SEMA4B: variants seen among roughly 807,000 people sequenced by gnomAD.
The protein encoded by SEMA4B is semaphorin-4B.
In SEMA4B, 55 loss-of-function variants were observed where a neutral mutation model predicts 88.1. The ratio of observed to expected loss-of-function variants is 0.62; its 90% confidence interval spans 0.50 to 0.78. The LOEUF (loss-of-function observed/expected upper bound fraction) is 0.78. Among genes scored for constraint, SEMA4B ranks in the 30% least tolerant of loss-of-function variants. The pLI is 0.00. For synonymous variants in SEMA4B, 525 were observed against 473.6 expected (o/e 1.11, Z -1.41); for missense variants, 1,062 against 1,111.9 (o/e 0.96, Z 0.64).
upstream of SEMA4B, among the ~76,000 whole-genome samples, chr15:90,197,081 GAGTAGGATTAGGAAACCA>G (rs1211922581): frequency 4.6e-5 from 7 of 152,032 alleles, no homozygotes; most frequent in African/African-American, 1.7e-4. Flanking sequence ...TCTTATTAGA[GAGTAGGATTAGGAAACCA>G]AGATTGGCCA....
intron 7 of SEMA4B, among the ~76,000 whole-genome samples, chr15:90,222,849 A>G (rs985435720): frequency 1.4e-5 from 2 of 140,724 alleles, no homozygotes; most frequent in Non-Finnish European, 3.1e-5. Flanking sequence ...GTGAACTATG[A>G]ATGTTATTAC....
chr15:90,185,414 G>C (rs1424041876), intron 1 of SEMA4B, among the ~76,000 whole-genome samples: 1 of 152,244 alleles, frequency 6.6e-6, no homozygotes, highest in Non-Finnish European at 1.5e-5. Context: ...AAAAGGCCTG[G>C]GCCCCTGCGG....
Position 90,204,373 on chromosome 15 carries a change from C to T in SEMA4B, c.157+2638C>T, listed in dbSNP as rs118086875. 1.9e-3 allele frequency among the ~76,000 whole-genome samples: 285 copies of T among 152,306 alleles called. 1 individual carries two copies. The East Asian group carries it at 0.021, about 11-fold the overall frequency. ...ACAAAATCCCTTGAAGTGGAGCGTC[C>T]AGCTTGCCCTGCATCTGGGGTCCTT... On this transcript the variant is annotated intron_variant, in intron 1 of 13. Coordinates refer to ENST00000411539, the MANE Select transcript of SEMA4B (RefSeq NM_198925.4).
chr15:90,225,106 C>A lies in SEMA4B; in HGVS notation c.1333C>A (p.Arg445Ser). The change falls in exon 10 of 14, where the codon CGC becomes AGC. Residue 445 changes from arginine to serine, a missense_variant. Transcript: ENST00000411539. ...SRMLLLQPQA[R>S]YQRVAVHRVP... ...CATGCTGCTGCTGCAGCCCCAGGCT[C>A]GCTACCAGCGCGTGGCTGTACACCG... 1 of 1,613,738 alleles carries A rather than the reference C, an allele frequency of 6.2e-7. No homozygotes were observed. Among genetic ancestry groups the A allele is most frequent in the East Asian group, 2.2e-5 (1 of 44,878 alleles).
intron 1 of SEMA4B, among the ~76,000 whole-genome samples, chr15:90,208,538 G>T (rs868564113): frequency 3.9e-5 from 6 of 152,096 alleles, no homozygotes; most frequent in African/African-American, 1.4e-4. Flanking sequence ...GCACTGCCAC[G>T]TACTGTGTTT....
chr15:90,228,372 T>G lies in SEMA4B; in HGVS notation c.2243T>G (p.Leu748Arg). ...YRHRNSMKVF[L>R]KQGECASVHP... ...CACCGGAACAGCATGAAAGTCTTCC[T>G]GAAGCAGGGGGAATGTGCCAGCGTG... The change falls in exon 14 of 14, where the codon CTG becomes CGG. Residue 748 changes from leucine (L) to arginine (R), a missense_variant. Transcript: ENST00000411539. 6.2e-7 allele frequency: 1 copy of G among 1,600,298 alleles called. No individual in the cohort carries two copies. The highest frequency in any genetic ancestry group is 1.3e-5 in the African/African-American group (1 of 74,800).
chr15:90,188,497 G>A (rs576111709), intron 1 of SEMA4B, among the ~76,000 whole-genome samples: 29 of 150,788 alleles, frequency 1.9e-4, no homozygotes, highest in East Asian at 1.6e-3. Flanking sequence ...GCATGGTGGC[G>A]CATGCCTGTA....
At chr15:90,206,851 G>T in intron 1 of SEMA4B, 1 of 719,680 alleles carries the variant, frequency 1.4e-6, no homozygotes, top group South Asian at 1.4e-5. Flanking sequence ...CTGTCAAATT[G>T]ACAGAGAGGG....
upstream of SEMA4B, among the ~76,000 whole-genome samples, chr15:90,196,410 C>A (rs1306395234): frequency 6.6e-6 from 1 of 152,080 alleles, no homozygotes; most frequent in Non-Finnish European, 1.5e-5. Flanking sequence ...CATATAGTTT[C>A]GTAACAATCT....
chr15:90,198,024 T>C (rs8028381), upstream of SEMA4B, among the ~76,000 whole-genome samples: 789 of 151,688 alleles, frequency 5.2e-3, 13 homozygotes, highest in African/African-American at 0.018. Flanking sequence ...CCTCCCGGGT[T>C]CGCGCCATTC....
chr15:90,204,332 A>G (rs1960888804), intron 1 of SEMA4B, among the ~76,000 whole-genome samples: 1 of 152,210 alleles, frequency 6.6e-6, no homozygotes, highest in South Asian at 2.1e-4. Context: ...CAGTGGGGCT[A>G]TGTCTGTGGT....
chr15:90,195,069 A>G (rs1026330193), intron 1 of SEMA4B, among the ~76,000 whole-genome samples: 19 of 151,418 alleles, frequency 1.3e-4, no homozygotes, highest in African/African-American at 4.1e-4. Context: ...CCAACATTCA[A>G]TCTTCAATCA....
At chr15:90,216,065 C>T (rs1273384278) in intron 1 of SEMA4B, among the ~76,000 whole-genome samples, 2 of 151,154 alleles carry the variant, frequency 1.3e-5, no homozygotes, top group South Asian at 2.1e-4. Context: ...CTCAGCTCAC[C>T]GCAACCTCTG....
At chr15:90,221,513 G>A (rs1205218561) in intron 6 of SEMA4B, 33 bp downstream of exon 6, 1 of 1,607,216 alleles carries the variant, frequency 6.2e-7, no homozygotes, top group Non-Finnish European at 8.5e-7. Flanking sequence ...CAGAGGGCAG[G>A]GATCCTGTTC....
intron 13 of SEMA4B, 115 bp from the exon 14 acceptor site, chr15:90,227,789 G>T (rs1835703052): frequency 6.6e-7 from 1 of 1,517,854 alleles, no homozygotes; most frequent in East Asian, 2.3e-5. Flanking sequence ...TCAGTCCCAG[G>T]GGTCCCCGGA....
Position 90,223,634 on chromosome 15 carries a change from C to CG in SEMA4B, c.937_938insG (p.Pro313ArgfsTer25), listed in dbSNP as rs1961980954. The CG allele has an allele frequency of 6.2e-7, 1 of 1,613,430 alleles. No homozygotes were observed. Among genetic ancestry groups the CG allele is most frequent in the Admixed American group, 1.7e-5 (1 of 59,984 alleles). ...CAAGGCCCAGCTGCTGTGCTCACGG[C>CG]CCGACGATGGCTTCCCCTTCAACGT... On this transcript the variant is annotated frameshift_variant, in exon 8 of 14. Coordinates refer to ENST00000411539, the MANE Select transcript of SEMA4B (RefSeq NM_198925.4). LOFTEE classifies it high-confidence loss of function.
At chr15:90,224,083 A>ACTTGGCTTCTCTGAATCT (rs1325894912) in intron 9 of SEMA4B, 95 bp downstream of exon 9, 1 of 1,222,186 alleles carries the variant, frequency 8.2e-7, no homozygotes, top group Non-Finnish European at 1.1e-6. Flanking sequence ...CGGGCAGATC[A>ACTTGGCTTCTCTGAATCT]CTTGGCTTCT....
chr15:90,197,096 A>G (rs568918911), upstream of SEMA4B, among the ~76,000 whole-genome samples: 4 of 152,036 alleles, frequency 2.6e-5, no homozygotes, highest in Admixed American at 6.5e-5. Flanking sequence ...GGATTAGGAA[A>G]CCAAGATTGG....
At chr15:90,209,326 G>A (rs970825148) in intron 1 of SEMA4B, among the ~76,000 whole-genome samples, 3 of 152,034 alleles carry the variant, frequency 2.0e-5, no homozygotes, top group Non-Finnish European at 2.9e-5. Context: ...CGAGGCAGGC[G>A]GATCAGCTGA....
Sources: gnomAD v4.1 joint callset for allele counts (sites outside exome capture counted in the v4.1 genomes callset) on GRCh38, gnomAD v4.1.1 for gene constraint, MANE v1.5 for transcripts, NCBI Gene and HGNC (gene_info 2026-07-23, HGNC 2026-07-21) for gene names.